Variants in ATP5F1D observed in about 807,000 individuals in gnomAD.
ATP5F1D encodes the protein ATP synthase F1 subunit delta, also known as ATP synthase F(1) complex subunit delta, mitochondrial.
A neutral mutation model predicts 13.0 loss-of-function variants in ATP5F1D; 16 were observed. The observed-to-expected ratio is 1.23, with a 90% CI of 0.83 to 1.87. The LOEUF (loss-of-function observed/expected upper bound fraction) is 1.87. Among genes scored for constraint, ATP5F1D ranks in the 40% most tolerant of loss-of-function variants. The probability of loss-of-function intolerance (pLI) is 0.00; values close to 1 mark genes in which losing one functional copy is unlikely to be tolerated. For missense variants in ATP5F1D, 294 were observed against 246.2 expected, an observed-to-expected ratio of 1.19 and a Z score of -1.30; for synonymous variants, 129 against 116.2, an observed-to-expected ratio of 1.11 and a Z score of -0.71.
rs1384522199 is a variant in ATP5F1D at position 1,244,736 on chromosome 19, G to C, written c.*299G>C. The C allele has an allele frequency of 1.1e-5, 4 of 359,080 alleles. No individual in the cohort carries two copies. Among genetic ancestry groups the C allele is most frequent in the African/African-American group, 8.4e-5 (4 of 47,544 alleles). 22.2% of individuals were successfully genotyped at this position (359,080 alleles called of 1,614,324 possible). ...CGCTTACCATCCCCTCTGCCCTGCA[G>C]AGCCAGCCGCCAAGGTTGACCTCAG... On this transcript the variant is annotated 3_prime_UTR_variant, in exon 4 of 4. Transcript: ENST00000215375.
At chr19:1,244,045 G>C in intron 2 of ATP5F1D, 52 bp from the exon 3 acceptor site, 1 of 1,550,138 alleles carries the variant, frequency 6.5e-7, no homozygotes, top group South Asian at 1.2e-5. Flanking sequence ...GAGTCCCTGA[G>C]GCTGTGCAGC....
rs1163450056 is a variant in ATP5F1D, at chr19:1,244,442, T to A, written c.*5T>A. 2 of 1,552,350 alleles carry A rather than the reference T, an allele frequency of 1.3e-6. No homozygotes were observed. On this transcript the variant is annotated 3_prime_UTR_variant, in exon 4 of 4. Coordinates refer to ENST00000215375, the MANE Select transcript of ATP5F1D (RefSeq NM_001687.5). ...CTGGTGAAGGCCCTGGAGTAGGCGG[T>A]GCGTACCCGGTGTCCCGAGGCCCGG... is the stretch of plus-strand genomic sequence containing the variant.
chr19:1,244,498 C>G lies in ATP5F1D; in HGVS notation c.*61C>G. The G allele has an allele frequency of 7.2e-6, 11 of 1,520,790 alleles. No individual in the cohort carries two copies. Among genetic ancestry groups the G allele is most frequent in the Non-Finnish European group, 9.7e-6 (11 of 1,129,346 alleles). 94.2% of individuals were successfully genotyped at this position (1,520,790 alleles called of 1,614,324 possible). On this transcript the variant is annotated 3_prime_UTR_variant, in exon 4 of 4. Coordinates refer to ENST00000215375, the MANE Select transcript of ATP5F1D (RefSeq NM_001687.5). ...GGCTGGGCAGGGATGCCAGGTGGGC[C>G]CAGCCAGCTCCTGGGGTCCCGGCCA... is the stretch of plus-strand genomic sequence containing the variant.
At position 1,242,542 on chromosome 19, in the gene ATP5F1D, G is replaced by A. The variant is rs1229796624; in HGVS notation, c.228G>A (p.Thr76=). The part of the protein sequence containing the change: ...AFGILAAHVP[T]LQVLRPGLVV... Reference sequence around the variant, plus strand: ...GCATCCTGGCGGCCCACGTGCCCACGCTGCAGGTCCTGCGGCCGGGGCTGG... The same window carrying A: ...GCATCCTGGCGGCCCACGTGCCCACACTGCAGGTCCTGCGGCCGGGGCTGG... Residue 76 remains threonine (T), a synonymous_variant, in exon 2 of 4, where the codon ACG becomes ACA. Coordinates refer to ENST00000215375, the MANE Select transcript of ATP5F1D (RefSeq NM_001687.5). The A allele has an allele frequency of 6.5e-7, 1 of 1,547,900 alleles. No individual in the cohort carries two copies. The highest frequency in any genetic ancestry group is 8.7e-7 in the Non-Finnish European group (1 of 1,145,664).
chr19:1,244,094 C>T lies in ATP5F1D; in HGVS notation c.296-3C>T, dbSNP rs754510658. Reference sequence around the variant, plus strand: ...ACGCCTTCCCCCCGCCCCATTCCCCCAGTGAGCAGCGGTTCCATCGCAGTG... The same window carrying T: ...ACGCCTTCCCCCCGCCCCATTCCCCTAGTGAGCAGCGGTTCCATCGCAGTG... On this transcript the variant is annotated splice_polypyrimidine_tract_variant and splice_region_variant and intron_variant, in intron 2 of 3. Transcript: ENST00000215375. The T allele has an allele frequency of 6.2e-6, 10 of 1,608,534 alleles. No homozygotes were observed. Among genetic ancestry groups the T allele is most frequent in the Non-Finnish European group, 7.6e-6 (9 of 1,177,460 alleles).
At position 1,244,620 on chromosome 19, in the gene ATP5F1D, G is replaced by C. The variant is rs1036120578; in HGVS notation, c.*183G>C. The C allele has an allele frequency of 2.0e-6, 2 of 980,030 alleles. No individual in the cohort carries two copies. The highest frequency in any genetic ancestry group is 2.9e-6 in the Non-Finnish European group (2 of 679,126). 60.7% of individuals were successfully genotyped at this position (980,030 alleles called of 1,614,324 possible). A position where few individuals can be genotyped will look rare whatever the true frequency, so the allele number is the denominator to read the frequency against. ...GCCTGTGTTGAAAGCTCTGGGGACT[G>C]GGCCAGGGAAGCTCCTCCTCAGCTT... On this transcript the variant is annotated 3_prime_UTR_variant, in exon 4 of 4. Transcript: ENST00000215375.
At position 1,244,125 on chromosome 19, in the gene ATP5F1D, C is replaced by G; in HGVS notation, c.324C>G (p.Ala108=). The change falls in exon 3 of 4, where the codon GCC becomes GCG. Residue 108 remains alanine (A), a synonymous_variant. Transcript: ENST00000215375. ...GCAGCGGTTCCATCGCAGTGAACGC[C>G]GACTCTTCGGTGCAGTTGTTGGCCG... The part of the protein sequence containing the change: ...FVSSGSIAVN[A]DSSVQLLAEE... 3.1e-6 allele frequency: 5 copies of G among 1,611,828 alleles called. No individual in the cohort carries two copies. Among genetic ancestry groups the G allele is most frequent in the Non-Finnish European group, 4.2e-6 (5 of 1,179,186 alleles).
rs2081050708 is a variant in ATP5F1D at position 1,244,117 on chromosome 19, G to C, written c.316G>C (p.Val106Leu). 2 of 1,611,476 alleles carry C rather than the reference G, an allele frequency of 1.2e-6. No homozygotes were observed. Among genetic ancestry groups the C allele is most frequent in the Non-Finnish European group, 1.7e-6 (2 of 1,179,018 alleles). The change falls in exon 3 of 4, where the codon GTG becomes CTG. Residue 106 changes from valine (V) to leucine (L), a missense_variant. Coordinates refer to ENST00000215375, the MANE Select transcript of ATP5F1D (RefSeq NM_001687.5). ...CCCAGTGAGCAGCGGTTCCATCGCA[G>C]TGAACGCCGACTCTTCGGTGCAGTT... Reference protein sequence around the residue: ...KYFVSSGSIAVNADSSVQLLA... With the variant: ...KYFVSSGSIALNADSSVQLLA...
In ATP5F1D at chr19:1,244,617, A is replaced by T; in HGVS notation, c.*180A>T. ...CCTGCCTGTGTTGAAAGCTCTGGGG[A>T]CTGGGCCAGGGAAGCTCCTCCTCAG... On this transcript the variant is annotated 3_prime_UTR_variant, in exon 4 of 4. Transcript: ENST00000215375. 3 of 1,014,110 alleles carry T rather than the reference A, an allele frequency of 3.0e-6. No homozygotes were observed. The highest frequency in any genetic ancestry group is 2.8e-6 in the Non-Finnish European group (2 of 709,064). The allele number at this position is 1,014,110 out of a possible 1,614,324, so 62.8% of individuals were successfully genotyped here. A position where few individuals can be genotyped will look rare whatever the true frequency, so the allele number is the denominator to read the frequency against.
chr19:1,242,665 T>G, intron 2 of ATP5F1D, 56 bp downstream of exon 2: 2 of 1,415,288 alleles, frequency 1.4e-6, no homozygotes, highest in Non-Finnish European at 1.9e-6. Context: ...ACATCCCAGG[T>G]CAGTCTCCGT....
chr19:1,241,817 G>A lies in ATP5F1D; in HGVS notation c.-34G>A. On this transcript the variant is annotated 5_prime_UTR_variant, in exon 1 of 4. Coordinates refer to ENST00000215375, the MANE Select transcript of ATP5F1D (RefSeq NM_001687.5). ...CGCGCCGCGCCGGAGTCCGCTGTCC[G>A]CCAGCTACCCGCTTCCTGCCGCCCG... The A allele has an allele frequency of 1.5e-6, 2 of 1,306,762 alleles. No individual in the cohort carries two copies. Among genetic ancestry groups the A allele is most frequent in the East Asian group, 3.3e-5 (1 of 30,366 alleles). 80.9% of individuals were successfully genotyped at this position (1,306,762 alleles called of 1,614,324 possible).
In ATP5F1D at chr19:1,241,810, G is replaced by T; in HGVS notation, c.-41G>T. On this transcript the variant is annotated 5_prime_UTR_variant, in exon 1 of 4. Transcript: ENST00000215375. ...GGCCGCCCGCGCCGCGCCGGAGTCC[G>T]CTGTCCGCCAGCTACCCGCTTCCTG... 7.7e-7 allele frequency: 1 copy of T among 1,296,828 alleles called. No homozygotes were observed. The highest frequency in any genetic ancestry group is 9.7e-7 in the Non-Finnish European group (1 of 1,027,246). 80.3% of individuals were successfully genotyped at this position (1,296,828 alleles called of 1,614,324 possible). A position where few individuals can be genotyped will look rare whatever the true frequency, so the allele number is the denominator to read the frequency against.
Position 1,244,130 on chromosome 19 carries a change from C to G in ATP5F1D, c.329C>G (p.Ser110Cys). Residue 110 changes from serine to cysteine, a missense_variant, in exon 3 of 4, where the codon TCT becomes TGT. Physicochemically the swap from Ser to Cys is moderately radical, Grantham distance 112 (BLOSUM62 -1). Coordinates refer to ENST00000215375, the MANE Select transcript of ATP5F1D (RefSeq NM_001687.5). ...SSGSIAVNADSSVQLLAEEAV... is the reference protein window; with the variant it reads ...SSGSIAVNADCSVQLLAEEAV... ...GGTTCCATCGCAGTGAACGCCGACT[C>G]TTCGGTGCAGTTGTTGGCCGAAGAG... 1.9e-6 allele frequency: 3 copies of G among 1,612,214 alleles called. No individual in the cohort carries two copies. Among genetic ancestry groups the G allele is most frequent in the Non-Finnish European group, 1.7e-6 (2 of 1,179,376 alleles).
Position 1,244,077 on chromosome 19 carries a change from C to A in ATP5F1D, c.296-20C>A, listed in dbSNP as rs1344907713. The A allele has an allele frequency of 1.9e-6, 3 of 1,601,370 alleles. No individual in the cohort carries two copies. Among genetic ancestry groups the A allele is most frequent in the East Asian group, 2.3e-5 (1 of 43,898 alleles). On this transcript the variant is annotated intron_variant, in intron 2 of 3. Coordinates refer to ENST00000215375, the MANE Select transcript of ATP5F1D (RefSeq NM_001687.5). ...CAGCCCTTTGGGGTCTCACGCCTTC[C>A]CCCCGCCCCATTCCCCCAGTGAGCA...
At chr19:1,244,287 C>G (rs2081051937) in intron 3 of ATP5F1D, 28 bp from the exon 4 acceptor site, 1 of 1,582,394 alleles carries the variant, frequency 6.3e-7, no homozygotes, top group African/African-American at 1.3e-5. Flanking sequence ...TCGCTGCTGG[C>G]CCCTCACCGC....
chr19:1,244,216 A>C (rs1318992412), intron 3 of ATP5F1D, 31 bp downstream of exon 3: 2 of 1,600,630 alleles, frequency 1.2e-6, no homozygotes, highest in Non-Finnish European at 1.7e-6. Flanking sequence ...GAGGCTCAGC[A>C]GGTTGGAGCT....
In ATP5F1D at chr19:1,242,511, C is replaced by G. The variant is rs747921308; in HGVS notation, c.197C>G (p.Ala66Gly). The G allele has an allele frequency of 9.7e-6, 15 of 1,551,204 alleles. No individual in the cohort carries two copies. In the Admixed American group the frequency reaches 1.7e-4, roughly 18 times the overall value. ...RQVDVPTLTG[A>G]FGILAAHVPT... ...GTGGACGTGCCCACGCTGACCGGAG[C>G]CTTCGGCATCCTGGCGGCCCACGTG... is the stretch of plus-strand genomic sequence containing the variant. Residue 66 changes from alanine to glycine, a missense_variant, in exon 2 of 4, where the codon GCC becomes GGC. Physicochemically the swap from Ala to Gly is moderately conservative, Grantham distance 60 (BLOSUM62 0). Transcript: ENST00000215375.
chr19:1,241,952 C>G lies in ATP5F1D; in HGVS notation c.102C>G (p.Gly34=). 6.7e-7 allele frequency: 1 copy of G among 1,493,516 alleles called. No individual in the cohort carries two copies. Among genetic ancestry groups the G allele is most frequent in the Non-Finnish European group, 8.9e-7 (1 of 1,123,392 alleles). The allele number at this position is 1,493,516 out of a possible 1,614,324, so 92.5% of individuals were successfully genotyped here. A position where few individuals can be genotyped will look rare whatever the true frequency, so the allele number is the denominator to read the frequency against. ...EAAAAPAAAS[G]PNQMSFTFAS... ...CCGCCGCCCCGGCTGCCGCCTCTGG[C>G]CCCAACCAGATGTCCTTCACCTTCG... The change falls in exon 1 of 4, where the codon GGC becomes GGG. Residue 34 remains glycine, a synonymous_variant. Transcript: ENST00000215375.
chr19:1,244,449 C>T lies in ATP5F1D; in HGVS notation c.*12C>T. Reference sequence around the variant, plus strand: ...AGGCCCTGGAGTAGGCGGTGCGTACCCGGTGTCCCGAGGCCCGGCCAGGGG... The same window carrying T: ...AGGCCCTGGAGTAGGCGGTGCGTACTCGGTGTCCCGAGGCCCGGCCAGGGG... On this transcript the variant is annotated 3_prime_UTR_variant, in exon 4 of 4. Coordinates refer to ENST00000215375, the MANE Select transcript of ATP5F1D (RefSeq NM_001687.5). 6.5e-7 allele frequency: 1 copy of T among 1,549,134 alleles called. No individual in the cohort carries two copies. The highest frequency in any genetic ancestry group is 8.7e-7 in the Non-Finnish European group (1 of 1,146,024).
Sources: allele counts gnomAD v4.1 joint callset, GRCh38; gene constraint gnomAD v4.1.1; transcripts MANE v1.5; gene names NCBI Gene and HGNC (gene_info 2026-07-23, HGNC 2026-07-21).